Variants in TARM1 observed in about 807,000 individuals in gnomAD.
TARM1 encodes T cell-interacting, activating receptor on myeloid cells 1.
In TARM1, 24 loss-of-function variants were observed where a neutral mutation model predicts 30.4. That is an observed-to-expected ratio of 0.79 (90% CI 0.57 to 1.11). TARM1 has a LOEUF of 1.11. TARM1 is among the 50% of genes least tolerant of loss of function. The probability of loss-of-function intolerance (pLI) is 0.00; values close to 1 mark genes in which losing one functional copy is unlikely to be tolerated. For missense variants in TARM1, 323 were observed against 332.8 expected, an observed-to-expected ratio of 0.97 and a Z score of 0.23; for synonymous variants, 129 against 138.9, an observed-to-expected ratio of 0.93 and a Z score of 0.50.
Position 54,076,321 on chromosome 19 carries a change from T to A in TARM1, c.35-403A>T, listed in dbSNP as rs1315028560. On this transcript the variant is annotated intron_variant, in intron 1 of 4. Coordinates refer to ENST00000432826, the MANE Select transcript of TARM1 (RefSeq NM_001135686.3). ...TCCAGAGACAGAGTCTCGCTCTTTC[T>A]TTCTTTTTCTTTCTTTCTTTCTTTC... 1.2e-5 allele frequency: 11 copies of A among 905,098 alleles called. No individual in the cohort carries two copies. The African/African-American group carries it at 2.4e-4, about 20-fold the overall frequency. 56.1% of individuals were successfully genotyped at this position (905,098 alleles called of 1,614,324 possible). A position where few individuals can be genotyped will look rare whatever the true frequency, so the allele number is the denominator to read the frequency against.
chr19:54,074,302 G>A, intron 3 of TARM1, 86 bp from the exon 4 acceptor site: 1 of 1,273,062 alleles, frequency 7.9e-7, no homozygotes, highest in Non-Finnish European at 1.1e-6. Flanking sequence ...AGGCTCTCGT[G>A]GAGTGTGGGA....
intron 1 of TARM1, 116 bp from the exon 2 acceptor site, chr19:54,076,034 T>C: frequency 6.9e-7 from 1 of 1,456,524 alleles, no homozygotes. Flanking sequence ...TTAGAGGTCA[T>C]ACGCTCAGGA....
At chr19:54,081,192 T>C in intron 1 of TARM1, 115 bp downstream of exon 1, 1 of 969,720 alleles carries the variant, frequency 1.0e-6, no homozygotes, top group Non-Finnish European at 1.6e-6. Flanking sequence ...GACGTCTCAC[T>C]CCTCCCGTGT....
Position 54,070,169 on chromosome 19 carries a change from G to C in TARM1, c.659-9C>G, listed in dbSNP as rs560088364. 2 of 1,551,100 alleles carry C rather than the reference G, an allele frequency of 1.3e-6. No individual in the cohort carries two copies. The highest frequency in any genetic ancestry group is 1.4e-5 in the African/African-American group (1 of 73,060). ...TGTGGTACCTGGGGGAACTGAAAGA[G>C]AGAAGGGGCTCAGCACTGACCCTCA... is the stretch of plus-strand genomic sequence containing the variant. On this transcript the variant is annotated splice_polypyrimidine_tract_variant and intron_variant, in intron 4 of 4. Transcript: ENST00000432826.
intron 2 of TARM1, 28 bp from the exon 3 acceptor site, chr19:54,075,142 A>G (rs2071916714): frequency 6.5e-7 from 1 of 1,540,518 alleles, no homozygotes; most frequent in African/African-American, 1.4e-5. Context: ...CTGATGCTGG[A>G]CCCGATGCCC....
chr19:54,076,452 T>C, intron 1 of TARM1: 4 of 450,166 alleles, frequency 8.9e-6, no homozygotes, highest in Non-Finnish European at 1.6e-5. Context: ...AACCTCCGCC[T>C]CCCGGGTTCA....
At chr19:54,070,182 G>T (rs2071775385) in intron 4 of TARM1, 22 bp from the exon 5 acceptor site, 1 of 1,549,590 alleles carries the variant, frequency 6.5e-7, no homozygotes. Context: ...AAGGGGCTCA[G>T]CACTGACCCT....
In TARM1 at chr19:54,079,317, G is replaced by C. The variant is rs1271026358; in HGVS notation, c.34+1990C>G. On this transcript the variant is annotated intron_variant, in intron 1 of 4. Transcript: ENST00000432826. ...AATGGAGGTTACCAGGGGCTGGGAG[G>C]ACCGCGGCAAATACAGAGTTATTGG... 2.6e-5 allele frequency among the ~76,000 whole-genome samples: 4 copies of C among 151,708 alleles called. No individual in the cohort carries two copies. The East Asian group carries it at 7.7e-4, about 29-fold the overall frequency.
At chr19:54,075,183 TTTA>T (rs34261191) in intron 2 of TARM1, 69 bp from the exon 3 acceptor site, 276 of 996,288 alleles carry the variant, frequency 2.8e-4, no homozygotes, top group Admixed American at 3.2e-4. Flanking sequence ...CTTTTTAAAA[TTTA>T]TTATTATTAT....
rs1568502731 is a variant in TARM1 at position 54,073,917 on chromosome 19, T to TA, written c.658+2dup. 2 of 1,551,034 alleles carry TA rather than the reference T, an allele frequency of 1.3e-6. No homozygotes were observed. The highest frequency in any genetic ancestry group is 2.7e-5 in the African/African-American group (2 of 73,180). On this transcript the variant is annotated splice_region_variant and intron_variant, in intron 4 of 4. Transcript: ENST00000432826. ...AGTTCCTCAAAACCATACACGCCCTTACCTGTCACCAATATCTCAAGCTGA... is the reference window on the plus strand; with the variant it reads ...AGTTCCTCAAAACCATACACGCCCTTAACCTGTCACCAATATCTCAAGCTGA...
intron 1 of TARM1, among the ~76,000 whole-genome samples, chr19:54,080,554 AAG>A (rs2072105449): frequency 6.8e-6 from 1 of 147,680 alleles, no homozygotes; most frequent in South Asian, 2.2e-4. Context: ...GAAGGAGAAA[AAG>A]AAAGAAAGGA....
At position 54,075,903 on chromosome 19, in the gene TARM1, T is replaced by A; in HGVS notation, c.50A>T (p.Gln17Leu). ...CTCACCATCTCCCCTTGTGTCTCCT[T>A]GGCCCACGCACAGTCCTGCAAGACA... ...SLLCFRLCVG[Q>L]GDTRGDGSLP... is the part of the protein sequence containing the mutation. Residue 17 changes from glutamine (Q) to leucine (L), a missense_variant, in exon 2 of 5, where the codon CAA becomes CTA. Physicochemically the swap from Gln to Leu is moderately radical, Grantham distance 113. Transcript: ENST00000432826. 6.4e-7 allele frequency: 1 copy of A among 1,551,330 alleles called. No homozygotes were observed. Among genetic ancestry groups the A allele is most frequent in the Non-Finnish European group, 8.7e-7 (1 of 1,146,976 alleles).
chr19:54,075,621 C>T (rs1360302090), intron 2 of TARM1, among the ~76,000 whole-genome samples: 6 of 151,542 alleles, frequency 4.0e-5, no homozygotes, highest in Admixed American at 6.6e-5. Context: ...GGTGAAACTC[C>T]GTCTCTACTA....
intron 4 of TARM1, among the ~76,000 whole-genome samples, chr19:54,071,170 C>G (rs1328747723): frequency 6.6e-6 from 1 of 152,066 alleles, no homozygotes; most frequent in Non-Finnish European, 1.5e-5. Flanking sequence ...GTTGGCCAAA[C>G]TGGTTTCGAA....
chr19:54,074,684 T>C, intron 3 of TARM1, 140 bp downstream of exon 3: 1 of 897,384 alleles, frequency 1.1e-6, no homozygotes, highest in Non-Finnish European at 1.7e-6. Context: ...AACCAACATA[T>C]GCAATTTCGT....
chr19:54,075,460 A>G (rs1371258893), intron 2 of TARM1, among the ~76,000 whole-genome samples: 1 of 148,982 alleles, frequency 6.7e-6, no homozygotes, highest in Non-Finnish European at 1.5e-5. Flanking sequence ...TGCTGGGATT[A>G]CAGGCGTGAA....
chr19:54,080,638 T>C (rs1184253254), intron 1 of TARM1, among the ~76,000 whole-genome samples: 1 of 152,096 alleles, frequency 6.6e-6, no homozygotes, highest in African/African-American at 2.4e-5. Context: ...CTCAATTTAC[T>C]TTATAGTTAT....
chr19:54,080,506 GGAA>G (rs2072101412), intron 1 of TARM1, among the ~76,000 whole-genome samples: 1 of 109,480 alleles, frequency 9.1e-6, no homozygotes, highest in Non-Finnish European at 1.9e-5. Flanking sequence ...GAGGAAGGAA[GGAA>G]GGAAGGAAGG....
rs2072072672 is a variant in TARM1 at position 54,080,129 on chromosome 19, AAGGAAGGAAGAAAGCAAGC to A, written c.34+1159_34+1177del. 6.4e-4 allele frequency among the ~76,000 whole-genome samples: 36 copies of A among 56,604 alleles called. No homozygotes were observed. The Admixed American group carries it at 6.5e-3, about 10-fold the overall frequency. The allele number at this position is 56,604 out of a possible 152,430, so 37.1% of individuals were successfully genotyped here. A position where few individuals can be genotyped will look rare whatever the true frequency, so the allele number is the denominator to read the frequency against. On this transcript the variant is annotated intron_variant, in intron 1 of 4. Coordinates refer to ENST00000432826, the MANE Select transcript of TARM1 (RefSeq NM_001135686.3). ...GAAGGAAGGAAGGAAGGAAGGAAGGAAGGAAGGAAGAAAGCAAGCAAGCAAGCAAGCAAGCAAGCAAGCA... is the reference window on the plus strand; with the variant it reads ...GAAGGAAGGAAGGAAGGAAGGAAGGAAAGCAAGCAAGCAAGCAAGCAAGCA...
Sources: allele counts gnomAD v4.1 joint callset (sites outside exome capture counted in the v4.1 genomes callset), GRCh38; gene constraint gnomAD v4.1.1; transcripts MANE v1.5; gene names NCBI Gene and HGNC (gene_info 2026-07-23, HGNC 2026-07-21).